The following NCKAP1 variants were observed in gnomAD, a reference collection of about 807,000 sequenced individuals.
NCKAP1 encodes NCK associated protein 1.
In NCKAP1, 21 loss-of-function variants were observed where a neutral mutation model predicts 151.2. The observed-to-expected ratio is 0.14, with a 90% CI of 0.10 to 0.20. NCKAP1 has a LOEUF of 0.20. Among genes scored for constraint, NCKAP1 ranks in the 10% least tolerant of loss-of-function variants. The pLI is 1.00. For missense variants in NCKAP1, 933 were observed against 1,352.1 expected (o/e 0.69, Z 4.86); for synonymous variants, 484 against 451.8 (o/e 1.07, Z -0.90).
intron 10 of NCKAP1, among the ~76,000 whole-genome samples, chr2:182,984,245 A>G (rs544473232): frequency 6.6e-6 from 1 of 152,128 alleles, no homozygotes; most frequent in Non-Finnish European, 1.5e-5. Context: ...TCAAAAATAG[A>G]AAGATGGGGA....
intron 24 of NCKAP1, among the ~76,000 whole-genome samples, 173 bp downstream of exon 24, chr2:182,941,895 CCA>C (rs955771111): frequency 3.3e-5 from 5 of 151,984 alleles, no homozygotes; most frequent in African/African-American, 7.2e-5. Flanking sequence ...AACAGATAAG[CCA>C]CACACACACT....
chr2:182,936,951 C>T (rs1450045098), intron 24 of NCKAP1, among the ~76,000 whole-genome samples: 1 of 151,672 alleles, frequency 6.6e-6, no homozygotes, highest in Non-Finnish European at 1.5e-5. Context: ...CCCAACTCTA[C>T]TAAACATACA....
At chr2:182,988,516 T>G (rs147872118) in intron 9 of NCKAP1, among the ~76,000 whole-genome samples, 1 of 152,308 alleles carries the variant, frequency 6.6e-6, no homozygotes, top group Admixed American at 6.5e-5. Flanking sequence ...TTCAGATAAT[T>G]ATTTGCTGAA....
At chr2:182,941,979 A>T in intron 24 of NCKAP1, 91 bp downstream of exon 24, 1 of 971,326 alleles carries the variant, frequency 1.0e-6, no homozygotes, top group East Asian at 2.4e-5. Flanking sequence ...ATAATTTACT[A>T]CTTGTATTTA....
chr2:182,928,029 T>C, intron 29 of NCKAP1, 88 bp downstream of exon 29: 2 of 926,978 alleles, frequency 2.2e-6, no homozygotes, highest in Non-Finnish European at 3.2e-6. Flanking sequence ...AATGTAAAAA[T>C]AAAGAGAATT....
intron 26 of NCKAP1, among the ~76,000 whole-genome samples, chr2:182,932,992 C>T (rs1458575447): frequency 6.6e-6 from 1 of 152,040 alleles, no homozygotes; most frequent in Non-Finnish European, 1.5e-5. Flanking sequence ...TCTGGGTCTT[C>T]AAGATATATA....
intron 25 of NCKAP1, 50 bp from the exon 26 acceptor site, chr2:182,934,882 C>T: frequency 6.0e-6 from 5 of 839,256 alleles, no homozygotes; most frequent in Non-Finnish European, 9.2e-6. Flanking sequence ...AATGGCAACC[C>T]CTAAATTTAC....
At chr2:182,926,457 G>A (rs1184588738) in intron 30 of NCKAP1, among the ~76,000 whole-genome samples, 4 of 151,984 alleles carry the variant, frequency 2.6e-5, no homozygotes, top group Non-Finnish European at 5.9e-5. Flanking sequence ...GAGAATTACA[G>A]AAAATTACGA....
intron 1 of NCKAP1, among the ~76,000 whole-genome samples, chr2:183,032,763 T>C (rs2105901246): frequency 6.6e-6 from 1 of 152,300 alleles, no homozygotes; most frequent in East Asian, 1.9e-4. Flanking sequence ...ATATCATAAA[T>C]CAGCCAGGTG....
intron 2 of NCKAP1, among the ~76,000 whole-genome samples, chr2:183,004,488 C>CAAAA (rs34055584): frequency 2.4e-4 from 19 of 78,742 alleles, no homozygotes; most frequent in East Asian, 1.2e-3. Flanking sequence ...AAACAGCAAG[C>CAAAA]AAAAAAAAAA....
Position 182,957,606 on chromosome 2 carries a change from G to A in NCKAP1, c.1882-10C>T. 5.6e-6 allele frequency: 9 copies of A among 1,607,986 alleles called. No homozygotes were observed. Among genetic ancestry groups the A allele is most frequent in the Non-Finnish European group, 7.6e-6 (9 of 1,177,954 alleles). ...AATGCTTGGGTAGCAACTAAATTTA[G>A]AAAAGAATGAAATCTTACATTACAC... is the stretch of plus-strand genomic sequence containing the variant. On this transcript the variant is annotated splice_polypyrimidine_tract_variant and intron_variant, in intron 18 of 30. Coordinates refer to ENST00000361354, the MANE Select transcript of NCKAP1 (RefSeq NM_013436.5).
At chr2:182,931,563 A>G (rs1171885734) in intron 26 of NCKAP1, among the ~76,000 whole-genome samples, 2 of 152,166 alleles carry the variant, frequency 1.3e-5, no homozygotes, top group African/African-American at 4.8e-5. Flanking sequence ...CTAAAACTGT[A>G]AAACGCTTAG....
At chr2:182,938,961 G>C (rs2105808370) in intron 24 of NCKAP1, among the ~76,000 whole-genome samples, 1 of 152,242 alleles carries the variant, frequency 6.6e-6, no homozygotes, top group African/African-American at 2.4e-5. Context: ...GATTTTTACT[G>C]GTGGAACAAT....
At chr2:183,019,642 T>A (rs1453551874) in intron 2 of NCKAP1, among the ~76,000 whole-genome samples, 1 of 152,220 alleles carries the variant, frequency 6.6e-6, no homozygotes, top group Non-Finnish European at 1.5e-5. Context: ...AATACTTGGC[T>A]TAATCTGAAA....
chr2:182,948,405 C>T (rs1007018306), intron 23 of NCKAP1, among the ~76,000 whole-genome samples: 6 of 152,028 alleles, frequency 3.9e-5, no homozygotes, highest in Non-Finnish European at 5.9e-5. Flanking sequence ...TGTTTACAGT[C>T]GTTCCGCATT....
intron 1 of NCKAP1, among the ~76,000 whole-genome samples, chr2:183,029,151 T>C (rs1698957441): frequency 6.6e-6 from 1 of 151,776 alleles, no homozygotes; most frequent in Non-Finnish European, 1.5e-5. Context: ...AGGTCAGTAG[T>C]CAATTCAATA....
chr2:182,933,998 A>G (rs548417006), intron 26 of NCKAP1, among the ~76,000 whole-genome samples: 8 of 152,284 alleles, frequency 5.3e-5, no homozygotes, highest in Non-Finnish European at 8.8e-5. Flanking sequence ...TGTTTTATAT[A>G]TATATTACAT....
intron 6 of NCKAP1, among the ~76,000 whole-genome samples, chr2:182,999,220 T>C (rs1281240471): frequency 1.3e-5 from 2 of 152,056 alleles, no homozygotes; most frequent in Non-Finnish European, 2.9e-5. Context: ...ACTTACAGAA[T>C]GGGAGAAAAT....
chr2:183,031,734 T>C (rs1293303499), intron 1 of NCKAP1, among the ~76,000 whole-genome samples: 2 of 152,166 alleles, frequency 1.3e-5, no homozygotes, highest in East Asian at 1.9e-4. Context: ...TCTTAACCTA[T>C]GAGGTTAATA....
Sources: allele counts gnomAD v4.1 joint callset (sites outside exome capture counted in the v4.1 genomes callset), GRCh38; gene constraint gnomAD v4.1.1; transcripts MANE v1.5; gene names NCBI Gene and HGNC (gene_info 2026-07-23, HGNC 2026-07-21).